The following SCN3A variants were observed in gnomAD, a reference collection of about 807,000 sequenced individuals.
SCN3A encodes the protein sodium channel protein type 3 subunit alpha.
Under a neutral mutation model 187.6 loss-of-function variants are expected in SCN3A, and 60 were observed. The observed-to-expected ratio is 0.32, with a 90% CI of 0.26 to 0.40. The LOEUF (loss-of-function observed/expected upper bound fraction) is 0.40. Ranked by LOEUF, SCN3A falls within the 10% of genes least tolerant of loss-of-function variation. The pLI is 1.00. For missense variants in SCN3A, 1,601 were observed against 2,428.2 expected, an observed-to-expected ratio of 0.66 and a Z score of 7.16; for synonymous variants, 788 against 829.2, an observed-to-expected ratio of 0.95 and a Z score of 0.85.
intron 1 of SCN3A, among the ~76,000 whole-genome samples, chr2:165,190,618 A>ATG (rs1280616180): frequency 6.8e-6 from 1 of 147,580 alleles, no homozygotes; most frequent in Non-Finnish European, 1.5e-5. Context: ...ATATATATAT[A>ATG]AAACTTTGCA....
chr2:165,188,804 C>CAAAAAAAA (rs763003775), intron 1 of SCN3A, among the ~76,000 whole-genome samples: 1 of 72,538 alleles, frequency 1.4e-5, no homozygotes. Context: ...CGCCCCACTT[C>CAAAAAAAA]AAAAAAAAAA....
At chr2:165,149,617 AT>A (rs566884497) in intron 11 of SCN3A, among the ~76,000 whole-genome samples, 151 of 152,290 alleles carry the variant, frequency 9.9e-4, no homozygotes, top group Non-Finnish European at 1.8e-3. Context: ...CAAATCTGTC[AT>A]TTGTTCCACT....
chr2:165,122,970 C>T (rs750177891), intron 18 of SCN3A: 7 of 152,158 alleles, frequency 4.6e-5, no homozygotes, highest in Non-Finnish European at 1.0e-4. Context: ...TGGAATTCAA[C>T]TTCAAATATG....
intron 2 of SCN3A, among the ~76,000 whole-genome samples, chr2:165,185,634 C>T (rs992847338): frequency 2.6e-5 from 4 of 152,168 alleles, no homozygotes; most frequent in African/African-American, 9.7e-5. Flanking sequence ...ACCCCTGGGC[C>T]TTTGATGGAT....
At chr2:165,133,754 C>T (rs542068755) in intron 15 of SCN3A, among the ~76,000 whole-genome samples, 25 of 151,634 alleles carry the variant, frequency 1.6e-4, no homozygotes, top group African/African-American at 6.0e-4. Flanking sequence ...TAAAACATTT[C>T]ATGGTCTACA....
At chr2:165,127,466 T>G (rs1687061852) in intron 18 of SCN3A, among the ~76,000 whole-genome samples, 165 bp downstream of exon 18, 1 of 152,200 alleles carries the variant, frequency 6.6e-6, no homozygotes, top group African/African-American at 2.4e-5. Flanking sequence ...TTTTTAGAAA[T>G]CCATTTCCCA....
chr2:165,178,680 T>A (rs1690631645), intron 2 of SCN3A, among the ~76,000 whole-genome samples: 1 of 152,242 alleles, frequency 6.6e-6, no homozygotes, highest in African/African-American at 2.4e-5. Flanking sequence ...GTTATTTTTC[T>A]CTACTAATTT....
At position 165,173,455 on chromosome 2, in the gene SCN3A, G is replaced by T. The variant is rs182233241; in HGVS notation, c.264+2676C>A. Among the ~76,000 whole-genome samples, 941 of 152,188 alleles carry T rather than the reference G, an allele frequency of 6.2e-3. 10 individuals carry two copies. Among genetic ancestry groups the T allele is most frequent in the Non-Finnish European group, 6.2e-3 (425 of 68,020 alleles). ...ACCTGCCTCACTGGTTCACTATATA[G>T]TAAATGAGTTCAAGAACTTAGCAGT... is the stretch of plus-strand genomic sequence containing the variant. On this transcript the variant is annotated intron_variant, in intron 3 of 27. Transcript: ENST00000283254.
rs1266126980 is a variant in SCN3A, at chr2:165,113,928, T to C, written c.3557A>G (p.Glu1186Gly). The C allele has an allele frequency of 2.5e-6, 4 of 1,612,322 alleles. No individual in the cohort carries two copies. The highest frequency in any genetic ancestry group is 1.3e-5 in the African/African-American group (1 of 74,898). ...ATTCCACCAGATCTTCCCTTTGCCT[T>C]CTTCTGTACTTACTTGACAGAATGG... ...KFPFCQVSTE[E>G]GKGKIWWNLR... The change falls in exon 20 of 28, where the codon GAA (glutamate) becomes GGA (glycine). Residue 1186 changes from glutamate (E) to glycine (G), a missense_variant. Physicochemically the swap from Glu to Gly is moderately conservative, Grantham distance 98. Coordinates refer to ENST00000283254, the MANE Select transcript of SCN3A (RefSeq NM_006922.4).
intron 22 of SCN3A, among the ~76,000 whole-genome samples, chr2:165,099,588 G>A (rs546784695): frequency 1.6e-4 from 25 of 152,192 alleles, no homozygotes; most frequent in African/African-American, 6.0e-4. Context: ...GTGGTGGCGG[G>A]CACCTGTAGT....
intron 2 of SCN3A, among the ~76,000 whole-genome samples, chr2:165,177,764 CA>C (rs1057441946): frequency 3.9e-5 from 6 of 152,240 alleles, no homozygotes; most frequent in Admixed American, 2.0e-4. Flanking sequence ...ATAGAACTAT[CA>C]AAACCACAAG....
intron 12 of SCN3A, among the ~76,000 whole-genome samples, chr2:165,141,847 TTTTAA>T (rs1688030828): frequency 6.6e-6 from 1 of 152,244 alleles, no homozygotes; most frequent in Non-Finnish European, 1.5e-5. Context: ...TTCTGTTTTA[TTTTAA>T]TTATATTAAA....
At chr2:165,154,720 G>C in intron 10 of SCN3A, 62 bp from the exon 11 acceptor site, 1 of 1,442,970 alleles carries the variant, frequency 6.9e-7, no homozygotes, top group Non-Finnish European at 9.8e-7. Context: ...ATAAATATCT[G>C]ATTACCACAG....
At chr2:165,096,282 AG>A (rs1216209801) in intron 24 of SCN3A, among the ~76,000 whole-genome samples, 184 bp downstream of exon 24, 1 of 152,176 alleles carries the variant, frequency 6.6e-6, no homozygotes, top group Non-Finnish European at 1.5e-5. Context: ...GTTTCATATT[AG>A]CTACATATTG....
intron 26 of SCN3A, chr2:165,093,793 C>T (rs1019355898): frequency 1.3e-5 from 2 of 152,434 alleles, no homozygotes; most frequent in African/African-American, 4.8e-5. Flanking sequence ...GTTCTTTGGG[C>T]CTCAGTTTCC....
At chr2:165,115,344 G>A (rs1686313739) in intron 19 of SCN3A, 111 bp downstream of exon 19, 2 of 1,443,714 alleles carry the variant, frequency 1.4e-6, no homozygotes, top group South Asian at 1.2e-5. Flanking sequence ...TGGGGTTACA[G>A]GCATAAGCCA....
intron 14 of SCN3A, 119 bp from the exon 15 acceptor site, chr2:165,138,236 T>C (rs1687788563): frequency 1.3e-6 from 1 of 747,904 alleles, no homozygotes; most frequent in Non-Finnish European, 2.3e-6. Flanking sequence ...AAGTTCATAT[T>C]ACTTAAGAAA....
intron 24 of SCN3A, 78 bp downstream of exon 24, chr2:165,096,389 T>C (rs1685365873): frequency 9.4e-7 from 1 of 1,066,490 alleles, no homozygotes; most frequent in African/African-American, 1.6e-5. Flanking sequence ...GAATTTTGGA[T>C]GTATCAGTGT....
chr2:165,167,368 C>T (rs1276835796), intron 5 of SCN3A, among the ~76,000 whole-genome samples: 1 of 140,174 alleles, frequency 7.1e-6, no homozygotes, highest in Non-Finnish European at 1.5e-5. Context: ...TTTGAAGCTA[C>T]TATTTTTTTT....
Sources: gnomAD v4.1 joint callset for allele counts (sites outside exome capture counted in the v4.1 genomes callset) on GRCh38, gnomAD v4.1.1 for gene constraint, MANE v1.5 for transcripts, NCBI Gene and HGNC (gene_info 2026-07-23, HGNC 2026-07-21) for gene names.